NCOA3: variants seen among roughly 807,000 people sequenced by gnomAD.
NCOA3 encodes nuclear receptor coactivator 3.
A neutral mutation model predicts 158.8 loss-of-function variants in NCOA3; 51 were observed. That is an observed-to-expected ratio of 0.32 (90% CI 0.26 to 0.41). NCOA3 has a LOEUF of 0.41. NCOA3 is among the 10% of genes least tolerant of loss of function. NCOA3 has a pLI of 1.00. For synonymous variants in NCOA3, 537 were observed against 592.4 expected (o/e 0.91, Z 1.36); for missense variants, 1,510 against 1,746.6 (o/e 0.86, Z 2.41).
In NCOA3 at chr20:47,636,471, A is replaced by G. The variant is rs769629969; in HGVS notation, c.2085A>G (p.Pro695=). Residue 695 remains proline, a synonymous_variant, in exon 12 of 23, where the codon CCA becomes CCG. Transcript: ENST00000371998. ...LHKLLQNGNS[P]AEVAKITAEA... ...AGTTGCTGCAGAATGGGAATTCACCAGCTGAGGTAGCCAAGATTACTGCAG... is the reference window on the plus strand; with the variant it reads ...AGTTGCTGCAGAATGGGAATTCACCGGCTGAGGTAGCCAAGATTACTGCAG... 3 of 1,614,182 alleles carry G rather than the reference A, an allele frequency of 1.9e-6. No homozygotes were observed. Among genetic ancestry groups the G allele is most frequent in the Non-Finnish European group, 2.5e-6 (3 of 1,180,040 alleles).
intron 2 of NCOA3, among the ~76,000 whole-genome samples, chr20:47,620,272 G>A (rs1238313987): frequency 6.6e-6 from 1 of 151,778 alleles, no homozygotes; most frequent in Non-Finnish European, 1.5e-5. Flanking sequence ...ATGATGCCTG[G>A]CTTATTTTTA....
chr20:47,540,696 T>C (rs911989372), intron 1 of NCOA3, among the ~76,000 whole-genome samples: 1 of 150,062 alleles, frequency 6.7e-6, no homozygotes, highest in Non-Finnish European at 1.5e-5. Flanking sequence ...ATAGTCTGTT[T>C]GGGGAGATGA....
At chr20:47,625,299 G>A in intron 4 of NCOA3, 82 bp from the exon 5 acceptor site, 5 of 876,442 alleles carry the variant, frequency 5.7e-6, no homozygotes, top group East Asian at 2.5e-5. Context: ...GTATCTTTAT[G>A]TCTCTTCTGG....
intron 1 of NCOA3, among the ~76,000 whole-genome samples, chr20:47,538,900 A>T (rs898327539): frequency 1.3e-5 from 2 of 152,222 alleles, no homozygotes. Context: ...AAACTGGAGA[A>T]GATGTTATAT....
intron 2 of NCOA3, among the ~76,000 whole-genome samples, chr20:47,599,745 T>G (rs905871550): frequency 1.3e-5 from 2 of 152,236 alleles, no homozygotes; most frequent in African/African-American, 4.8e-5. Flanking sequence ...TTATTCAGTC[T>G]TTTTATAGAG....
chr20:47,538,334 C>T (rs1338257652), intron 1 of NCOA3, among the ~76,000 whole-genome samples: 3 of 152,054 alleles, frequency 2.0e-5, no homozygotes, highest in Non-Finnish European at 2.9e-5. Context: ...GCGTTAGAAG[C>T]GAAGAATAAT....
At chr20:47,646,498 C>T (rs757739450) in intron 17 of NCOA3, among the ~76,000 whole-genome samples, 5 of 151,998 alleles carry the variant, frequency 3.3e-5, no homozygotes, top group Non-Finnish European at 4.4e-5. Context: ...CATCAGGGTG[C>T]GGATGTTAAG....
chr20:47,518,261 G>A (rs1459104067), intron 1 of NCOA3, among the ~76,000 whole-genome samples: 8 of 151,698 alleles, frequency 5.3e-5, no homozygotes, highest in East Asian at 1.9e-4. Flanking sequence ...TGGGAGGATC[G>A]CTTAAGTCCA....
Position 47,639,040 on chromosome 20 carries a change from C to T in NCOA3, c.2545C>T (p.Arg849Cys), listed in dbSNP as rs753240956. The change falls in exon 14 of 23, where the codon CGT (arginine) becomes TGT (cysteine). Residue 849 changes from arginine (R) to cysteine (C), a missense_variant. Coordinates refer to ENST00000371998, the MANE Select transcript of NCOA3 (RefSeq NM_181659.3). ...LKSSQSVQSI[R>C]PPYNRAVSLD... ...AAGTTCACAGTCTGTGCAGTCTATT[C>T]GTCCTCCATATAACCGAGCAGTGTC... The T allele has an allele frequency of 8.7e-6, 14 of 1,613,654 alleles. No individual in the cohort carries two copies. The highest frequency in any genetic ancestry group is 2.2e-5 in the South Asian group (2 of 90,882).
chr20:47,604,212 G>A (rs1021869892), intron 2 of NCOA3, among the ~76,000 whole-genome samples: 2 of 152,104 alleles, frequency 1.3e-5, no homozygotes, highest in African/African-American at 4.8e-5. Context: ...TTTTACCTGT[G>A]GTTTTTAATC....
intron 2 of NCOA3, among the ~76,000 whole-genome samples, chr20:47,606,816 T>C (rs2085955577): frequency 6.6e-6 from 1 of 152,250 alleles, no homozygotes; most frequent in Admixed American, 6.5e-5. Flanking sequence ...GAGGTGAACC[T>C]GTCACTACAG....
Position 47,651,125 on chromosome 20 carries a change from G to A in NCOA3, c.3795G>A (p.Gln1265=). 4 of 1,609,738 alleles carry A rather than the reference G, an allele frequency of 2.5e-6. No homozygotes were observed. The highest frequency in any genetic ancestry group is 3.4e-6 in the Non-Finnish European group (4 of 1,177,066). The part of the protein sequence containing the change: ...QQQQQQQQQQ[Q]QQQQQQQQQQ... ...AGCAGCAGCAGCAGCAGCAGCAACA[G>A]CAACAGCAACAGCAACAGCAGCAAC... The change falls in exon 20 of 23, where the codon CAG becomes CAA. Residue 1265 remains glutamine, a synonymous_variant. Coordinates refer to ENST00000371998, the MANE Select transcript of NCOA3 (RefSeq NM_181659.3).
intron 1 of NCOA3, among the ~76,000 whole-genome samples, chr20:47,533,577 TC>T (rs2084585173): frequency 6.6e-6 from 1 of 152,142 alleles, no homozygotes; most frequent in Admixed American, 6.6e-5. Context: ...ATCAGGGTCT[TC>T]ATAAGACCCT....
At chr20:47,579,253 G>T (rs1029704150) in intron 1 of NCOA3, among the ~76,000 whole-genome samples, 1 of 152,240 alleles carries the variant, frequency 6.6e-6, no homozygotes, top group African/African-American at 2.4e-5. Context: ...TTACAGGTGT[G>T]CGCTGCCATG....
At chr20:47,633,011 C>T (rs1048461712) in intron 8 of NCOA3, among the ~76,000 whole-genome samples, 48 of 152,188 alleles carry the variant, frequency 3.2e-4, no homozygotes, top group African/African-American at 1.1e-3. Flanking sequence ...AATCACCAGG[C>T]TCTCCTTCCT....
chr20:47,594,694 A>AAAAAAAAG (rs2085719289), intron 2 of NCOA3, among the ~76,000 whole-genome samples: 2 of 139,978 alleles, frequency 1.4e-5, no homozygotes, highest in Non-Finnish European at 3.1e-5. Context: ...AAAAAAAAAA[A>AAAAAAAAG]AGAGAAGATG....
rs536708953 is a variant in NCOA3, at chr20:47,598,438, C to G, written c.-20+15177C>G. 3.6e-4 allele frequency among the ~76,000 whole-genome samples: 55 copies of G among 152,048 alleles called. No homozygotes were observed. The South Asian group carries it at 0.011, about 30-fold the overall frequency. The stretch of plus-strand genomic sequence containing the variant: ...GCAACCTCCACCTCCTGGGTTCACG[C>G]GGTTCTCCTGCCTCAGCCTCCTGAG... On this transcript the variant is annotated intron_variant, in intron 2 of 22. Transcript: ENST00000371998.
At chr20:47,632,284 G>A (rs972222129) in intron 8 of NCOA3, among the ~76,000 whole-genome samples, 1 of 152,094 alleles carries the variant, frequency 6.6e-6, no homozygotes, top group African/African-American at 2.4e-5. Context: ...GGGTGGGGAT[G>A]AGGTTTGGAG....
At chr20:47,583,781 C>A (rs762513578) in intron 2 of NCOA3, among the ~76,000 whole-genome samples, 3 of 152,084 alleles carry the variant, frequency 2.0e-5, no homozygotes, top group African/African-American at 7.2e-5. Context: ...CAGAGCGAAA[C>A]CCCATCTCTA....
Sources: allele counts gnomAD v4.1 joint callset (sites outside exome capture counted in the v4.1 genomes callset), GRCh38; gene constraint gnomAD v4.1.1; transcripts MANE v1.5; gene names NCBI Gene and HGNC (gene_info 2026-07-23, HGNC 2026-07-21).